Variants in EEA1 observed in about 807,000 individuals in gnomAD.
EEA1 encodes early endosome antigen 1.
In EEA1, 111 loss-of-function variants were observed where a neutral mutation model predicts 209.2. The observed-to-expected ratio is 0.53, with a 90% CI of 0.45 to 0.62. The LOEUF (loss-of-function observed/expected upper bound fraction) is 0.62. Among genes scored for constraint, EEA1 ranks in the 20% least tolerant of loss-of-function variants. The pLI is 0.00. For missense variants in EEA1, 1,343 were observed against 1,530.8 expected (o/e 0.88, Z 2.05); for synonymous variants, 536 against 540.6 (o/e 0.99, Z 0.12).
At chr12:92,895,548 T>C (rs1052520808) in intron 1 of EEA1, 2 of 154,028 alleles carry the variant, frequency 1.3e-5, no homozygotes, top group African/African-American at 4.8e-5. Flanking sequence ...TCACTGTTCA[T>C]TGACAATTCA....
chr12:92,807,302 A>AT (rs894300187), intron 18 of EEA1, among the ~76,000 whole-genome samples: 5 of 152,086 alleles, frequency 3.3e-5, no homozygotes, highest in African/African-American at 1.2e-4. Flanking sequence ...CTTCAATCTG[A>AT]TAAAGGGAAT....
intron 2 of EEA1, among the ~76,000 whole-genome samples, chr12:92,875,394 C>T (rs549250190): frequency 6.6e-6 from 1 of 152,224 alleles, no homozygotes; most frequent in East Asian, 1.9e-4. Context: ...TGAGATTGCA[C>T]CACTGCACTC....
chr12:92,809,260 C>A (rs1371347667), intron 17 of EEA1, 104 bp from the exon 18 acceptor site: 9 of 683,250 alleles, frequency 1.3e-5, no homozygotes, highest in Non-Finnish European at 1.5e-5. Context: ...GTGTGACATA[C>A]AAAAAAAAAT....
chr12:92,852,332 G>A, intron 7 of EEA1, 36 bp from the exon 8 acceptor site: 1 of 1,446,292 alleles, frequency 6.9e-7, no homozygotes, highest in Non-Finnish European at 9.2e-7. Context: ...TTAGTTTAAG[G>A]GGAGGACAGT....
intron 16 of EEA1, among the ~76,000 whole-genome samples, chr12:92,812,458 T>C (rs112575552): frequency 0.053 from 8,107 of 152,292 alleles, 244 homozygotes; most frequent in Non-Finnish European, 0.061. Context: ...AGGATGCTTC[T>C]ATTCTACCAG....
At chr12:92,834,941 G>A (rs1027092781) in intron 10 of EEA1, among the ~76,000 whole-genome samples, 1 of 150,024 alleles carries the variant, frequency 6.7e-6, no homozygotes, top group Non-Finnish European at 1.5e-5. Flanking sequence ...GTGCAGTGGC[G>A]CGATCTCAGC....
chr12:92,770,996 G>GT lies in EEA1; in HGVS notation c.*5014_*5015insA, dbSNP rs5800087. On this transcript the variant is annotated 3_prime_UTR_variant, in exon 29 of 29. Coordinates refer to ENST00000322349, the MANE Select transcript of EEA1 (RefSeq NM_003566.4). ...ATAAAAATACTTTCTGGTTTTGATT[G>GT]GTGTGTGTGTGTGTGTGTGTGTGTG... 5 of 150,264 alleles carry GT rather than the reference G, an allele frequency of 3.3e-5. No individual in the cohort carries two copies. The highest frequency in any genetic ancestry group is 4.9e-5 in the African/African-American group (2 of 40,974). The allele number at this position is 150,264 out of a possible 1,614,324, so 9.3% of individuals were successfully genotyped here.
intron 9 of EEA1, among the ~76,000 whole-genome samples, chr12:92,850,749 A>G (rs1035290059): frequency 4.6e-5 from 7 of 150,980 alleles, no homozygotes; most frequent in Non-Finnish European, 1.5e-5. Flanking sequence ...AGCCTTTCTT[A>G]AATATATTTT....
intron 1 of EEA1, among the ~76,000 whole-genome samples, chr12:92,898,731 CTTTTTTTTTTTTTTTTTTT>C (rs772593153): frequency 2.6e-5 from 2 of 76,110 alleles, no homozygotes; most frequent in Non-Finnish European, 2.5e-5. Context: ...CTTTTTTTCC[CTTTTTTTTTTTTTTTTTTT>C]TTTTTTTTTA....
rs1164956812 is a variant in EEA1 at position 92,774,816 on chromosome 12, C to A, written c.*1195G>T. 3 of 151,550 alleles carry A rather than the reference C, an allele frequency of 2.0e-5. No individual in the cohort carries two copies. Among genetic ancestry groups the A allele is most frequent in the African/African-American group, 2.4e-5 (1 of 41,360 alleles). The allele number at this position is 151,550 out of a possible 1,614,324, so 9.4% of individuals were successfully genotyped here. On this transcript the variant is annotated 3_prime_UTR_variant, in exon 29 of 29. Transcript: ENST00000322349. ...AACTGGGAACAGTTGACATGGAACA[C>A]CAAATTCAGAACCATTTTAACTTTA...
chr12:92,864,227 GT>G (rs992918613), intron 3 of EEA1, among the ~76,000 whole-genome samples: 5 of 151,136 alleles, frequency 3.3e-5, no homozygotes, highest in South Asian at 2.1e-4. Context: ...CAACCAGTAA[GT>G]TTTTTTTTAG....
intron 1 of EEA1, among the ~76,000 whole-genome samples, chr12:92,901,142 T>C (rs1880124817): frequency 6.6e-6 from 1 of 152,236 alleles, no homozygotes. Flanking sequence ...TTCCTTTATT[T>C]TTCCAGATGC....
chr12:92,802,619 A>C lies in EEA1; in HGVS notation c.2455T>G (p.Leu819Val). 6.2e-7 allele frequency: 1 copy of C among 1,605,314 alleles called. No homozygotes were observed. The highest frequency in any genetic ancestry group is 8.5e-7 in the Non-Finnish European group (1 of 1,177,496). ...TGCTGAATCTTTGTTTCTTGACTTA[A>C]AGTTTCAAAATCTTGTTTCAGGATT... ...KKILKQDFET[L>V]SQETKIQHEE... The change falls in exon 19 of 29, where the codon TTA (leucine) becomes GTA (valine). Residue 819 changes from leucine to valine, a missense_variant. By Grantham distance (32) the Leu-to-Val change is conservative (BLOSUM62 1). Coordinates refer to ENST00000322349, the MANE Select transcript of EEA1 (RefSeq NM_003566.4).
chr12:92,902,748 A>AG (rs1880205741), intron 1 of EEA1, among the ~76,000 whole-genome samples: 1 of 151,138 alleles, frequency 6.6e-6, no homozygotes, highest in Non-Finnish European at 1.5e-5. Flanking sequence ...CTTAAAAAAA[A>AG]AAAAAAAAAA....
chr12:92,812,316 C>CA (rs1163057440), intron 16 of EEA1, among the ~76,000 whole-genome samples: 1 of 149,960 alleles, frequency 6.7e-6, no homozygotes, highest in Non-Finnish European at 1.5e-5. Flanking sequence ...GTAACAAGAG[C>CA]AAAAAACTCC....
intron 1 of EEA1, among the ~76,000 whole-genome samples, chr12:92,921,866 C>CAAAAAAAAAAAAAAAAAAA (rs756583756): frequency 1.2e-5 from 1 of 83,448 alleles, no homozygotes; most frequent in Non-Finnish European, 2.2e-5. Context: ...GACTCTGTCT[C>CAAAAAAAAAAAAAAAAAAA]AAAAAAAAAA....
chr12:92,819,285 T>G (rs1332420401), intron 14 of EEA1, 23 bp downstream of exon 14: 1 of 1,547,144 alleles, frequency 6.5e-7, no homozygotes, highest in Admixed American at 2.0e-5. Flanking sequence ...ATTTTACAAA[T>G]ATAATATATT....
chr12:92,904,874 C>G (rs1880306827), intron 1 of EEA1, among the ~76,000 whole-genome samples: 1 of 152,202 alleles, frequency 6.6e-6, no homozygotes, highest in Non-Finnish European at 1.5e-5. Context: ...CCAGGAAGAT[C>G]TCCAAAATCA....
At chr12:92,803,349 G>C (rs1461438286) in intron 18 of EEA1, among the ~76,000 whole-genome samples, 2 of 151,950 alleles carry the variant, frequency 1.3e-5, no homozygotes, top group Non-Finnish European at 2.9e-5. Context: ...TCTTATACAT[G>C]AATGAAAAAA....
Sources: gnomAD v4.1 joint callset for allele counts (sites outside exome capture counted in the v4.1 genomes callset) on GRCh38, gnomAD v4.1.1 for gene constraint, MANE v1.5 for transcripts, NCBI Gene and HGNC (gene_info 2026-07-23, HGNC 2026-07-21) for gene names.